Variants in FAM3B observed in about 807,000 individuals in gnomAD.
FAM3B encodes FAM3 metabolism regulating signaling molecule B.
FAM3B carries 29 observed loss-of-function variants against 28.4 expected under a neutral mutation model. The observed-to-expected ratio is 1.02, with a 90% CI of 0.76 to 1.39. The LOEUF (loss-of-function observed/expected upper bound fraction) is 1.39, where lower values mean the gene tolerates loss of function less well. Among genes scored for constraint, FAM3B ranks in the 40% most tolerant of loss-of-function variants. The probability of loss-of-function intolerance (pLI) is 0.00; values close to 1 mark genes in which losing one functional copy is unlikely to be tolerated. For synonymous variants in FAM3B, 91 were observed against 103.0 expected, an observed-to-expected ratio of 0.88 and a Z score of 0.71; for missense variants, 266 against 293.9, an observed-to-expected ratio of 0.91 and a Z score of 0.69.
intron 1 of FAM3B, among the ~76,000 whole-genome samples, chr21:41,304,951 G>C (rs2088675101): frequency 6.6e-6 from 1 of 152,188 alleles, no homozygotes; most frequent in African/African-American, 2.4e-5. Flanking sequence ...CAAGAAGGAA[G>C]TGGGATCAAA....
chr21:41,344,651 G>A (rs2089040043), intron 4 of FAM3B, 117 bp downstream of exon 4: 2 of 740,480 alleles, frequency 2.7e-6, no homozygotes, highest in Non-Finnish European at 4.7e-6. Flanking sequence ...GTATTTTAAT[G>A]CATTTTAAGA....
chr21:41,319,286 C>A (rs1464881057), intron 1 of FAM3B, among the ~76,000 whole-genome samples: 3 of 152,122 alleles, frequency 2.0e-5, no homozygotes, highest in Admixed American at 2.0e-4. Context: ...CATGTACCCA[C>A]ACACATGCAC....
intron 1 of FAM3B, among the ~76,000 whole-genome samples, chr21:41,310,659 C>T (rs2088703852): frequency 1.3e-5 from 2 of 152,164 alleles, no homozygotes; most frequent in Admixed American, 6.5e-5. Flanking sequence ...TCTGAAGAGT[C>T]AGCCCTGCAC....
upstream of FAM3B, among the ~76,000 whole-genome samples, chr21:41,316,120 G>A (rs1478877452): frequency 6.6e-6 from 1 of 152,208 alleles, no homozygotes; most frequent in East Asian, 1.9e-4. Context: ...CCGTGGATGG[G>A]GAGAGAGGAG....
chr21:41,322,902 T>G lies in FAM3B; in HGVS notation c.20-21T>G, dbSNP rs772153893. On this transcript the variant is annotated intron_variant, in intron 1 of 7. Transcript: ENST00000357985. ...CCGCCACCAAGTCGTTCACAGCAGC[T>G]GCTTGGTGTCCTCTCTGCAGGCCTG... 21 of 1,614,030 alleles carry G rather than the reference T, an allele frequency of 1.3e-5. No homozygotes were observed. In the Admixed American group the frequency reaches 3.5e-4, roughly 27 times the overall value.
At chr21:41,349,873 A>C (rs1216554748) in intron 7 of FAM3B, among the ~76,000 whole-genome samples, 1 of 152,158 alleles carries the variant, frequency 6.6e-6, no homozygotes, top group African/African-American at 2.4e-5. Flanking sequence ...GTTCCTCTAG[A>C]GCCAGGAAGC....
chr21:41,308,186 G>C (rs947305369), intron 1 of FAM3B, among the ~76,000 whole-genome samples: 1 of 152,232 alleles, frequency 6.6e-6, no homozygotes, highest in African/African-American at 2.4e-5. Context: ...CATAACAACC[G>C]TAGTGACCAC....
Position 41,316,906 on chromosome 21 carries a change from C to G in FAM3B, c.19+8C>G. ...TGCGCCCATTGGCTGGTGGTGAGTG[C>G]GCCCCCGCCTCGGGGCGAGGGTAGG... On this transcript the variant is annotated splice_region_variant and intron_variant, in intron 1 of 7. Coordinates refer to ENST00000357985, the MANE Select transcript of FAM3B (RefSeq NM_058186.4). The G allele has an allele frequency of 7.3e-7, 1 of 1,361,544 alleles. No homozygotes were observed. Among genetic ancestry groups the G allele is most frequent in the Non-Finnish European group, 9.5e-7 (1 of 1,055,828 alleles). 84.3% of individuals were successfully genotyped at this position (1,361,544 alleles called of 1,614,324 possible).
intron 1 of FAM3B, among the ~76,000 whole-genome samples, chr21:41,318,869 G>A (rs1282372552): frequency 1.3e-5 from 2 of 152,160 alleles, no homozygotes; most frequent in African/African-American, 2.4e-5. Context: ...TTTGGTTTCA[G>A]TATTACTTTC....
At chr21:41,342,686 G>A (rs1298066770) in intron 3 of FAM3B, among the ~76,000 whole-genome samples, 2 of 152,094 alleles carry the variant, frequency 1.3e-5, no homozygotes, top group South Asian at 2.1e-4. Flanking sequence ...TTTAAAATCA[G>A]CATGTCAGTT....
At position 41,347,208 on chromosome 21, in the gene FAM3B, A is replaced by C. The variant is rs1396915233; in HGVS notation, c.485+108A>C. On this transcript the variant is annotated intron_variant, in intron 6 of 7. Transcript: ENST00000357985. ...TCTGGGGACAAGCAGAAAGTCCAGG[A>C]GCAAAGTACTTCTCTAAGGAAAAAG... 5 of 867,950 alleles carry C rather than the reference A, an allele frequency of 5.8e-6. No individual in the cohort carries two copies. The African/African-American group carries it at 8.3e-5, about 14-fold the overall frequency. 53.8% of individuals were successfully genotyped at this position (867,950 alleles called of 1,614,324 possible). A position where few individuals can be genotyped will look rare whatever the true frequency, so the allele number is the denominator to read the frequency against.
upstream of FAM3B, chr21:41,316,701 C>T: frequency 2.1e-6 from 1 of 467,438 alleles, no homozygotes; most frequent in Non-Finnish European, 3.5e-6. Flanking sequence ...CGCCCACGCC[C>T]GCCCCGCGCA....
At chr21:41,344,391 C>A in intron 3 of FAM3B, 85 bp from the exon 4 acceptor site, 1 of 1,277,694 alleles carries the variant, frequency 7.8e-7, no homozygotes, top group Non-Finnish European at 1.1e-6. Flanking sequence ...GCAGATGAGA[C>A]TGACATTTGG....
At chr21:41,345,771 T>G in intron 5 of FAM3B, 35 bp downstream of exon 5, 1 of 1,276,418 alleles carries the variant, frequency 7.8e-7, no homozygotes, top group Non-Finnish European at 1.1e-6. Context: ...TTCAAATGAA[T>G]TTTAAACAGA....
At chr21:41,355,257 T>C (rs1447072920) in intron 7 of FAM3B, among the ~76,000 whole-genome samples, 1 of 152,200 alleles carries the variant, frequency 6.6e-6, no homozygotes. Context: ...TTGGGAAACA[T>C]TCTGGCAGTT....
In FAM3B at chr21:41,357,658, A is replaced by C. The variant is rs1343510352; in HGVS notation, c.*461A>C. Among the ~76,000 whole-genome samples the C allele has an allele frequency of 6.6e-6, 1 of 152,084 alleles. No homozygotes were observed. Among genetic ancestry groups the C allele is most frequent in the African/African-American group, 2.4e-5 (1 of 41,406 alleles). Reference sequence around the variant, plus strand: ...GGGGCTTATGTTATGTCCTTGTTCAACTCAACTTGAGCTCTTGAACTCCTC... The same window carrying C: ...GGGGCTTATGTTATGTCCTTGTTCACCTCAACTTGAGCTCTTGAACTCCTC... On this transcript the variant is annotated 3_prime_UTR_variant, in exon 8 of 8. Transcript: ENST00000357985.
intron 2 of FAM3B, among the ~76,000 whole-genome samples, chr21:41,330,436 C>T (rs1013524268): frequency 6.6e-6 from 1 of 152,220 alleles, no homozygotes; most frequent in African/African-American, 2.4e-5. Context: ...ATCCACTCGG[C>T]ATCTTGGAAT....
At chr21:41,351,444 A>G (rs2089119808) in intron 7 of FAM3B, among the ~76,000 whole-genome samples, 1 of 152,140 alleles carries the variant, frequency 6.6e-6, no homozygotes, top group South Asian at 2.1e-4. Context: ...GAGAGTTACT[A>G]GAGGTTCTGT....
At chr21:41,308,491 G>C (rs2088693029) in intron 1 of FAM3B, among the ~76,000 whole-genome samples, 1 of 151,152 alleles carries the variant, frequency 6.6e-6, no homozygotes, top group Non-Finnish European at 1.5e-5. Context: ...AAGGCAACGA[G>C]TTTGGGTGCC....
Sources: gnomAD v4.1 joint callset for allele counts (sites outside exome capture counted in the v4.1 genomes callset) on GRCh38, gnomAD v4.1.1 for gene constraint, MANE v1.5 for transcripts, NCBI Gene and HGNC (gene_info 2026-07-23, HGNC 2026-07-21) for gene names.